The following NFIB variants were observed in gnomAD, a reference collection of about 807,000 sequenced individuals.
The protein encoded by NFIB is nuclear factor 1 B-type.
Under a neutral mutation model 61.5 loss-of-function variants are expected in NFIB, and 11 were observed. The observed-to-expected ratio is 0.18, with a 90% confidence interval of 0.11 to 0.30. The LOEUF (loss-of-function observed/expected upper bound fraction) is 0.30, where lower values mean the gene tolerates loss of function less well. NFIB is among the 10% of genes least tolerant of loss of function. The probability of loss-of-function intolerance (pLI) is 1.00; values close to 1 mark genes in which losing one functional copy is unlikely to be tolerated. For synonymous variants in NFIB, 260 were observed against 216.5 expected (o/e 1.20, Z -1.76); for missense variants, 471 against 608.9 (o/e 0.77, Z 2.38).
intron 2 of NFIB, among the ~76,000 whole-genome samples, chr9:14,268,564 G>A (rs891672535): frequency 6.6e-6 from 1 of 152,270 alleles, no homozygotes; most frequent in South Asian, 2.1e-4. Flanking sequence ...ACAAAACGGT[G>A]CTCATCTTTC....
At chr9:14,328,216 C>T (rs1588315966) in intron 1 of NFIB, among the ~76,000 whole-genome samples, 1 of 152,264 alleles carries the variant, frequency 6.6e-6, no homozygotes, top group East Asian at 1.9e-4. Context: ...GCTATCAGGG[C>T]TCACTACATC....
intron 5 of NFIB, 72 bp downstream of exon 5, chr9:14,150,073 T>G (rs201660870): frequency 6.1e-5 from 97 of 1,586,294 alleles, no homozygotes; most frequent in Non-Finnish European, 8.1e-5. Flanking sequence ...CCTACCTATC[T>G]ATCTGCCTAT....
chr9:14,454,947 T>C, the NFIB span, among the ~76,000 whole-genome samples: 1 of 152,248 alleles, frequency 6.6e-6, no homozygotes, highest in African/African-American at 2.4e-5. Context: ...AATTGAATTC[T>C]GAAATGAAGA....
the NFIB span, among the ~76,000 whole-genome samples, chr9:14,451,297 A>G: frequency 2.0e-5 from 3 of 152,218 alleles, no homozygotes; most frequent in African/African-American, 7.2e-5. Flanking sequence ...TCTTTATTAC[A>G]TCTTTGTATA....
chr9:14,178,470 T>G (rs1000989594), intron 3 of NFIB, among the ~76,000 whole-genome samples: 4 of 152,136 alleles, frequency 2.6e-5, no homozygotes, highest in East Asian at 3.8e-4. Flanking sequence ...TTTAAATGAT[T>G]TATGAAGAAA....
intron 2 of NFIB, among the ~76,000 whole-genome samples, chr9:14,189,613 T>C (rs373615082): frequency 6.8e-6 from 1 of 146,328 alleles, no homozygotes; most frequent in East Asian, 2.0e-4. Flanking sequence ...AAAAAAAAAA[T>C]CCCCACCTAC....
chr9:14,421,463 A>C, the NFIB span, among the ~76,000 whole-genome samples: 519 of 152,350 alleles, frequency 3.4e-3, 3 homozygotes, highest in African/African-American at 0.012. Flanking sequence ...ACAACAAATC[A>C]GTCAAAAACT....
intron 2 of NFIB, among the ~76,000 whole-genome samples, chr9:14,228,149 C>T (rs1236272869): frequency 6.6e-6 from 1 of 150,812 alleles, no homozygotes; most frequent in Non-Finnish European, 1.5e-5. Context: ...GGAACAGAAT[C>T]ATATGCATCA....
chr9:14,526,007 G>C, the NFIB span, among the ~76,000 whole-genome samples: 1 of 152,038 alleles, frequency 6.6e-6, no homozygotes, highest in Non-Finnish European at 1.5e-5. Flanking sequence ...TCATCCTCAC[G>C]ACAGGTTGGA....
chr9:14,385,091 C>T (rs1006952621), intron 1 of NFIB, among the ~76,000 whole-genome samples: 3 of 152,208 alleles, frequency 2.0e-5, no homozygotes, highest in Admixed American at 2.0e-4. Flanking sequence ...CTAGCAAGAG[C>T]TAACAATCCT....
In NFIB at chr9:14,313,764, G is replaced by A. The variant is rs2060403530; in HGVS notation, c.-253C>T. On this transcript the variant is annotated 5_prime_UTR_variant, in exon 1 of 11. Coordinates refer to ENST00000380953, the MANE Select transcript of NFIB (RefSeq NM_001190737.2). The surrounding 1 kb of genome is among the most constrained non-coding windows in gnomAD (Gnocchi z 4.5). ...CTTTTAACCCTCTTGCAGTCCGAGC[G>A]CGCTGGCCGTGCTTGCCGAGGCCGC... is the stretch of plus-strand genomic sequence containing the variant. 18 of 1,347,160 alleles carry A rather than the reference G, an allele frequency of 1.3e-5. No homozygotes were observed. The highest frequency in any genetic ancestry group is 3.0e-5 in the East Asian group (1 of 33,516). The allele number at this position is 1,347,160 out of a possible 1,614,324, so 83.5% of individuals were successfully genotyped here.
chr9:14,164,167 A>T (rs893393044), intron 3 of NFIB, among the ~76,000 whole-genome samples: 1 of 152,108 alleles, frequency 6.6e-6, no homozygotes, highest in Non-Finnish European at 1.5e-5. Flanking sequence ...TAAAAAGACC[A>T]ACAAGACAGA....
At chr9:14,407,605 T>C in the NFIB span, among the ~76,000 whole-genome samples, 6 of 152,164 alleles carry the variant, frequency 3.9e-5, no homozygotes, top group African/African-American at 1.4e-4. Flanking sequence ...AGATAATATA[T>C]AAAAATTCAG....
chr9:14,329,685 T>A (rs1256909813), intron 1 of NFIB, among the ~76,000 whole-genome samples: 1 of 151,802 alleles, frequency 6.6e-6, no homozygotes, highest in Non-Finnish European at 1.5e-5. Context: ...TGGCCAATTT[T>A]TGTATTTTTA....
At chr9:14,185,166 T>C (rs1400133856) in intron 2 of NFIB, among the ~76,000 whole-genome samples, 1 of 151,896 alleles carries the variant, frequency 6.6e-6, no homozygotes, top group East Asian at 1.9e-4. Flanking sequence ...AATACATAAA[T>C]CAAGAGGGGA....
chr9:14,115,238 T>C (rs575045484), intron 9 of NFIB, among the ~76,000 whole-genome samples: 13 of 152,022 alleles, frequency 8.6e-5, no homozygotes, highest in African/African-American at 2.9e-4. Flanking sequence ...CCTCTGATTG[T>C]CTCTGATTCA....
chr9:14,477,417 T>C, the NFIB span, among the ~76,000 whole-genome samples: 1 of 152,220 alleles, frequency 6.6e-6, no homozygotes, highest in African/African-American at 2.4e-5. Context: ...CCTATTCAGA[T>C]TTCTCAATAT....
chr9:14,295,688 A>T (rs1305132679), intron 2 of NFIB, among the ~76,000 whole-genome samples: 2 of 152,152 alleles, frequency 1.3e-5, no homozygotes, highest in Non-Finnish European at 2.9e-5. Context: ...TAGCCACATC[A>T]TCATCACTTC....
intron 1 of NFIB, among the ~76,000 whole-genome samples, chr9:14,342,785 A>G (rs959842202): frequency 6.6e-6 from 1 of 152,176 alleles, no homozygotes; most frequent in African/African-American, 2.4e-5. Context: ...ACACATGTGT[A>G]TATGCATGTG....
Sources: gnomAD v4.1 joint callset for allele counts (sites outside exome capture counted in the v4.1 genomes callset) on GRCh38, gnomAD v4.1.1 for gene constraint, Gnocchi (gnomAD v3.1) non-coding constraint, MANE v1.5 for transcripts, NCBI Gene and HGNC (gene_info 2026-07-23, HGNC 2026-07-21) for gene names.